OR51E2: variants seen among roughly 807,000 people sequenced by gnomAD.
OR51E2 encodes olfactory receptor family 51 subfamily E member 2.
OR51E2 carries 14 observed loss-of-function variants against 13.7 expected under a neutral mutation model. The ratio of observed to expected loss-of-function variants is 1.02; its 90% CI spans 0.68 to 1.60. The LOEUF (loss-of-function observed/expected upper bound fraction) is 1.60, where lower values mean the gene tolerates loss of function less well. Ranked by LOEUF, OR51E2 falls within the 40% of genes most tolerant of loss-of-function variation. The pLI is 0.00. For missense variants in OR51E2, 483 were observed against 413.8 expected (o/e 1.17, Z -1.45); for synonymous variants, 180 against 157.6 (o/e 1.14, Z -1.07).
intron 1 of OR51E2, chr11:4,691,596 A>T: frequency 2.2e-6 from 1 of 455,780 alleles, no homozygotes; most frequent in Non-Finnish European, 4.4e-6. Context: ...AGTTACAGAG[A>T]GGAAGCAGAA....
intron 1 of OR51E2, among the ~76,000 whole-genome samples, chr11:4,696,195 G>T (rs902872281): frequency 5.9e-5 from 9 of 152,056 alleles, no homozygotes; most frequent in African/African-American, 2.2e-4. Flanking sequence ...TACCCCTGAG[G>T]GACATCTCTA....
chr11:4,692,572 T>A (rs1227657620), intron 1 of OR51E2, among the ~76,000 whole-genome samples: 2 of 152,214 alleles, frequency 1.3e-5, no homozygotes, highest in African/African-American at 2.4e-5. Flanking sequence ...ATTTCTTTTT[T>A]CATAGAGTAG....
chr11:4,682,297 C>G lies in OR51E2; in HGVS notation c.415G>C (p.Val139Leu). 1 of 1,614,140 alleles carries G rather than the reference C, an allele frequency of 6.2e-7. No individual in the cohort carries two copies. Among genetic ancestry groups the G allele is most frequent in the Non-Finnish European group, 8.5e-7 (1 of 1,180,040 alleles). ...LRHAAVLNNT[V>L]TAQIGIVAVV... Reference sequence around the variant, plus strand: ...GCCACGATGCCAATCTGGGCTGTTACTGTATTGTTGAGCACTGCAGCATGG... The same window carrying G: ...GCCACGATGCCAATCTGGGCTGTTAGTGTATTGTTGAGCACTGCAGCATGG... The change falls in exon 2 of 2, where the codon GTA becomes CTA. Residue 139 changes from valine to leucine, a missense_variant. Transcript: ENST00000396950.
At chr11:4,693,438 CA>C (rs1333199063) in intron 1 of OR51E2, among the ~76,000 whole-genome samples, 2 of 152,138 alleles carry the variant, frequency 1.3e-5, no homozygotes, top group Admixed American at 6.6e-5. Flanking sequence ...AAGTGTTGAG[CA>C]GGCTGGGCGC....
At chr11:4,691,343 C>T (rs1847576398) in intron 1 of OR51E2, 1 of 457,648 alleles carries the variant, frequency 2.2e-6, no homozygotes, top group Non-Finnish European at 4.4e-6. Context: ...GATCAAAAGC[C>T]ATGGCCAACA....
intron 1 of OR51E2, chr11:4,691,176 A>T (rs1384806314): frequency 2.2e-6 from 1 of 456,624 alleles, no homozygotes; most frequent in Non-Finnish European, 4.4e-6. Flanking sequence ...GGAGTGGTGG[A>T]GTACTTGGCT....
At chr11:4,691,911 C>G (rs1231909114) in intron 1 of OR51E2, among the ~76,000 whole-genome samples, 1 of 152,096 alleles carries the variant, frequency 6.6e-6, no homozygotes, top group Non-Finnish European at 1.5e-5. Flanking sequence ...TTGAATTTGC[C>G]TTAGTGTACA....
intron 1 of OR51E2, chr11:4,690,850 T>A (rs1847569434): frequency 2.2e-6 from 1 of 456,100 alleles, no homozygotes; most frequent in Non-Finnish European, 4.4e-6. Context: ...AAAGGGGAGA[T>A]CAGCAGGTAG....
At position 4,682,065 on chromosome 11, in the gene OR51E2, G is replaced by A. The variant is rs1199250245; in HGVS notation, c.647C>T (p.Ser216Phe). ...MGVDVMFISL[S>F]YFLIIRTVLQ... ...AACCGTTCGTATTATCAGAAAATAG[G>A]ACAAGGAGATGAACATTACGTCCAC... The change falls in exon 2 of 2, where the codon TCC (serine) becomes TTC (phenylalanine). Residue 216 changes from serine (S) to phenylalanine (F), a missense_variant. By Grantham distance (155) the Ser-to-Phe change is radical. Transcript: ENST00000396950. 9 of 1,614,088 alleles carry A rather than the reference G, an allele frequency of 5.6e-6. No individual in the cohort carries two copies. Among genetic ancestry groups the A allele is most frequent in the Non-Finnish European group, 7.6e-6 (9 of 1,180,054 alleles).
At chr11:4,692,509 A>G (rs1237406375) in intron 1 of OR51E2, among the ~76,000 whole-genome samples, 2 of 152,218 alleles carry the variant, frequency 1.3e-5, no homozygotes, top group Admixed American at 6.5e-5. Flanking sequence ...TACCTAATTG[A>G]ATGTTACTGT....
intron 1 of OR51E2, chr11:4,691,499 C>T (rs1399064217): frequency 2.2e-6 from 1 of 456,098 alleles, no homozygotes; most frequent in Non-Finnish European, 4.4e-6. Context: ...CAGTGGCGGA[C>T]AGCATGGAGA....
At position 4,680,288 on chromosome 11, in the gene OR51E2, G is replaced by A. The variant is rs1847434746; in HGVS notation, c.*1461C>T. The A allele has an allele frequency of 6.6e-6, 1 of 152,272 alleles. No homozygotes were observed. The highest frequency in any genetic ancestry group is 2.4e-5 in the African/African-American group (1 of 41,550). 9.4% of individuals were successfully genotyped at this position (152,272 alleles called of 1,614,324 possible). ...ATTAAAAAATGAAGACATGATCAAGGAGATGTAAGAGACAAATAGACAACA... is the reference window on the plus strand; with the variant it reads ...ATTAAAAAATGAAGACATGATCAAGAAGATGTAAGAGACAAATAGACAACA... On this transcript the variant is annotated 3_prime_UTR_variant, in exon 2 of 2. Transcript: ENST00000396950.
intron 1 of OR51E2, among the ~76,000 whole-genome samples, chr11:4,684,573 T>G (rs1019856622): frequency 6.6e-6 from 1 of 152,200 alleles, no homozygotes; most frequent in East Asian, 1.9e-4. Flanking sequence ...GTATATTTAC[T>G]TTCTTAATGC....
At chr11:4,693,880 G>C (rs1228694007) in intron 1 of OR51E2, among the ~76,000 whole-genome samples, 1 of 152,128 alleles carries the variant, frequency 6.6e-6, no homozygotes, top group East Asian at 1.9e-4. Flanking sequence ...ACCCCACTTA[G>C]AGAGTTTATA....
intron 1 of OR51E2, among the ~76,000 whole-genome samples, chr11:4,685,311 C>T (rs1440036271): frequency 6.6e-6 from 1 of 152,152 alleles, no homozygotes; most frequent in African/African-American, 2.4e-5. Flanking sequence ...ATCACTTCCA[C>T]ACTCACATAT....
At chr11:4,690,704 T>C (rs1461768609) in intron 1 of OR51E2, 4 of 323,978 alleles carry the variant, frequency 1.2e-5, no homozygotes, top group African/African-American at 2.2e-5. Context: ...ATTGGAAACA[T>C]GACCTGAAGT....
intron 1 of OR51E2, among the ~76,000 whole-genome samples, chr11:4,693,486 C>T (rs932347331): frequency 6.6e-6 from 1 of 152,150 alleles, no homozygotes; most frequent in Non-Finnish European, 1.5e-5. Flanking sequence ...CTTTGGGAGG[C>T]CGAGGTGGGC....
At position 4,696,729 on chromosome 11, in the gene OR51E2, C is replaced by T. The variant is rs544263507; in HGVS notation, c.-51+924G>A. ...TCTCTCTTGTGAAATAAGCTATATT[C>T]TCTCAACTAATTTTTCTGCCCACTC... is the stretch of plus-strand genomic sequence containing the variant. On this transcript the variant is annotated intron_variant, in intron 1 of 1. Transcript: ENST00000396950. Among the ~76,000 whole-genome samples the T allele has an allele frequency of 7.1e-4, 108 of 152,220 alleles. 2 individuals are homozygous for T. Among genetic ancestry groups the T allele is most frequent in the Non-Finnish European group, 3.2e-4 (22 of 68,004 alleles).
intron 1 of OR51E2, 35 bp from the exon 2 acceptor site, chr11:4,682,796 T>C: frequency 1.4e-6 from 2 of 1,466,076 alleles, no homozygotes; most frequent in Non-Finnish European, 9.2e-7. Context: ...GAGAATGCCC[T>C]GGAAACTTGA....
Sources: gnomAD v4.1 joint callset for allele counts (sites outside exome capture counted in the v4.1 genomes callset) on GRCh38, gnomAD v4.1.1 for gene constraint, MANE v1.5 for transcripts, NCBI Gene and HGNC (gene_info 2026-07-23, HGNC 2026-07-21) for gene names.